SPATA7: variants seen among roughly 807,000 people sequenced by gnomAD.
SPATA7 encodes the protein spermatogenesis associated 7.
SPATA7 carries 43 observed loss-of-function variants against 51.8 expected under a neutral mutation model. The observed-to-expected ratio is 0.83, with a 90% CI of 0.65 to 1.07. The LOEUF (loss-of-function observed/expected upper bound fraction) is 1.07, where lower values mean the gene tolerates loss of function less well. SPATA7 is among the 50% of genes least tolerant of loss of function. The pLI is 0.00. For synonymous variants in SPATA7, 230 were observed against 252.8 expected (o/e 0.91, Z 0.86); for missense variants, 683 against 701.3 (o/e 0.97, Z 0.30).
rs554247003 is a variant in SPATA7, at chr14:88,437,920, T to C, written c.1298T>C (p.Val433Ala). Reference protein sequence around the residue: ...SEENSVKQNDVDMLNVFDFEK... With the variant: ...SEENSVKQNDADMLNVFDFEK... ...GAAAACTCGGTAAAGCAAAATGATG[T>C]TGATATGTTGAATGTATTTGATTTT... Residue 433 changes from valine (V) to alanine (A), a missense_variant, in exon 12 of 12, where the codon GTT becomes GCT. Val to Ala is a moderately conservative substitution (Grantham distance 64, BLOSUM62 0). Coordinates refer to ENST00000393545, the MANE Select transcript of SPATA7 (RefSeq NM_018418.5). The C allele has an allele frequency of 6.2e-7, 1 of 1,612,738 alleles. No individual in the cohort carries two copies. Among genetic ancestry groups the C allele is most frequent in the East Asian group, 2.2e-5 (1 of 44,844 alleles).
chr14:88,456,063 T>A (rs532602629), downstream of SPATA7, among the ~76,000 whole-genome samples: 40 of 152,256 alleles, frequency 2.6e-4, no homozygotes, highest in East Asian at 6.4e-3. Flanking sequence ...ACTCATCATT[T>A]TTTATGGCTG....
intron 4 of SPATA7, among the ~76,000 whole-genome samples, chr14:88,461,938 T>C (rs1171462751): frequency 2.0e-5 from 3 of 152,216 alleles, no homozygotes; most frequent in Non-Finnish European, 4.4e-5. Context: ...CTTGTTTTTA[T>C]TAAACCTGTT....
intron 4 of SPATA7, among the ~76,000 whole-genome samples, chr14:88,465,415 C>T (rs1048129093): frequency 6.6e-6 from 1 of 152,042 alleles, no homozygotes; most frequent in Non-Finnish European, 1.5e-5. Context: ...TGCAGTGAGC[C>T]GAGATCATGC....
chr14:88,390,865 T>G (rs1176470613), intron 1 of SPATA7, among the ~76,000 whole-genome samples: 1 of 152,228 alleles, frequency 6.6e-6, no homozygotes, highest in Non-Finnish European at 1.5e-5. Flanking sequence ...TTTTCCCAGT[T>G]CAGATGGCAT....
chr14:88,466,004 CA>C (rs1444519035), intron 4 of SPATA7: 3 of 150,686 alleles, frequency 2.0e-5, no homozygotes, highest in African/African-American at 7.4e-5. Flanking sequence ...ATGTTCTTGT[CA>C]ACGAGCTATG....
intron 4 of SPATA7, among the ~76,000 whole-genome samples, chr14:88,402,959 CAAA>C (rs56330042): frequency 0.032 from 1,973 of 61,856 alleles, 29 homozygotes; most frequent in African/African-American, 0.095. Context: ...AACTCAATAG[CAAA>C]AAAAAAAAAA....
intron 3 of SPATA7, among the ~76,000 whole-genome samples, chr14:88,454,491 A>G (rs1469446704): frequency 2.0e-5 from 3 of 152,144 alleles, no homozygotes; most frequent in Non-Finnish European, 4.4e-5. Flanking sequence ...ATGACTATAA[A>G]TATCATTAAC....
intron 1 of SPATA7, 33 bp downstream of exon 1, chr14:88,385,870 T>A (rs1158363467): frequency 6.3e-7 from 1 of 1,587,198 alleles, no homozygotes; most frequent in Non-Finnish European, 8.6e-7. Flanking sequence ...TACCGCCGCC[T>A]CGCCCCTCGC....
Position 88,395,800 on chromosome 14 carries a change from C to T in SPATA7, c.191-356C>T, listed in dbSNP as rs114258750. Among the ~76,000 whole-genome samples the T allele has an allele frequency of 2.1e-3, 321 of 152,180 alleles. 4 individuals carry two copies. The highest frequency in any genetic ancestry group is 7.3e-3 in the African/African-American group (303 of 41,530). On this transcript the variant is annotated intron_variant, in intron 3 of 11. Transcript: ENST00000393545. ...ATATGTCTATCTTTAAGCCCCATGC[C>T]ACACTGCCTTAATTATTGTAGCATT...
At position 88,385,722 on chromosome 14, in the gene SPATA7, C is replaced by G. The variant is rs1477998929; in HGVS notation, c.-97C>G. Reference sequence around the variant, plus strand: ...CTGCTGCTGCAGCCCCCGTCGGCTCCTCTTTTCCAGTCCTCCACTGCCGGG... The same window carrying G: ...CTGCTGCTGCAGCCCCCGTCGGCTCGTCTTTTCCAGTCCTCCACTGCCGGG... On this transcript the variant is annotated 5_prime_UTR_variant, in exon 1 of 12. Transcript: ENST00000393545. 7.9e-7 allele frequency: 1 copy of G among 1,268,822 alleles called. No homozygotes were observed. Among genetic ancestry groups the G allele is most frequent in the South Asian group, 1.3e-5 (1 of 79,140 alleles). The allele number at this position is 1,268,822 out of a possible 1,614,324, so 78.6% of individuals were successfully genotyped here.
At chr14:88,416,561 A>T in intron 4 of SPATA7, 150 bp from the exon 5 acceptor site, 1 of 683,578 alleles carries the variant, frequency 1.5e-6, no homozygotes, top group Non-Finnish European at 2.5e-6. Flanking sequence ...AAAATGTGTT[A>T]GTAACTCTTT....
chr14:88,391,371 T>C lies in SPATA7; in HGVS notation c.20-10T>C. The C allele has an allele frequency of 6.2e-7, 1 of 1,609,414 alleles. No individual in the cohort carries two copies. The highest frequency in any genetic ancestry group is 8.5e-7 in the Non-Finnish European group (1 of 1,177,192). On this transcript the variant is annotated splice_polypyrimidine_tract_variant and intron_variant, in intron 1 of 11. Coordinates refer to ENST00000393545, the MANE Select transcript of SPATA7 (RefSeq NM_018418.5). The stretch of plus-strand genomic sequence containing the variant: ...TATCCTAATTTATGATTTTTTTTTC[T>C]TGTTAAAAGTCAGAGCAACCTCTGT...
chr14:88,422,273 G>C (rs1267593243), intron 5 of SPATA7, among the ~76,000 whole-genome samples: 1 of 152,108 alleles, frequency 6.6e-6, no homozygotes, highest in Admixed American at 6.6e-5. Context: ...AGGGGAAGCA[G>C]TGAATATGAT....
At chr14:88,463,212 G>T (rs2077328316) in intron 4 of SPATA7, among the ~76,000 whole-genome samples, 1 of 152,068 alleles carries the variant, frequency 6.6e-6, no homozygotes, top group Non-Finnish European at 1.5e-5. Context: ...ATATTAAGGA[G>T]GACATATAAG....
intron 10 of SPATA7, among the ~76,000 whole-genome samples, chr14:88,436,259 A>G (rs564850967): frequency 6.6e-6 from 1 of 152,228 alleles, no homozygotes; most frequent in Non-Finnish European, 1.5e-5. Context: ...TGATTGGGTT[A>G]TTAGATTTTT....
intron 4 of SPATA7, among the ~76,000 whole-genome samples, chr14:88,400,613 C>G (rs1005590147): frequency 2.0e-5 from 3 of 152,122 alleles, no homozygotes; most frequent in African/African-American, 7.2e-5. Context: ...ACAGGCAGAT[C>G]ACTTGAGGTC....
At chr14:88,390,998 C>A (rs1300165888) in intron 1 of SPATA7, among the ~76,000 whole-genome samples, 2 of 152,104 alleles carry the variant, frequency 1.3e-5, no homozygotes. Flanking sequence ...TTCTGACAAG[C>A]TTTGTTCTCT....
intron 3 of SPATA7, among the ~76,000 whole-genome samples, chr14:88,451,726 C>T (rs572475586): frequency 2.6e-5 from 4 of 151,858 alleles, no homozygotes; most frequent in Non-Finnish European, 5.9e-5. Flanking sequence ...GGTTTTGCCA[C>T]GTTGGCCAGG....
chr14:88,437,773 G>T, intron 11 of SPATA7, 65 bp from the exon 12 acceptor site: 2 of 1,461,542 alleles, frequency 1.4e-6, no homozygotes, highest in Non-Finnish European at 1.9e-6. Context: ...GAGATTTTCA[G>T]CACTGCAGTC....
Sources: gnomAD v4.1 joint callset for allele counts (sites outside exome capture counted in the v4.1 genomes callset) on GRCh38, gnomAD v4.1.1 for gene constraint, MANE v1.5 for transcripts, NCBI Gene and HGNC (gene_info 2026-07-23, HGNC 2026-07-21) for gene names.